Variants in PAFAH1B1 observed in about 807,000 individuals in gnomAD.
PAFAH1B1 encodes platelet-activating factor acetylhydrolase IB subunit beta.
PAFAH1B1 carries 2 observed loss-of-function variants against 57.5 expected under a neutral mutation model. The ratio of observed to expected loss-of-function variants is 0.03; its 90% CI spans 0.01 to 0.11. PAFAH1B1 has a LOEUF of 0.11. Ranked by LOEUF, PAFAH1B1 falls within the 10% of genes least tolerant of loss-of-function variation. The probability of loss-of-function intolerance (pLI) is 1.00; values close to 1 mark genes in which losing one functional copy is unlikely to be tolerated. For synonymous variants in PAFAH1B1, 152 were observed against 169.6 expected (o/e 0.90, Z 0.81); for missense variants, 257 against 512.0 (o/e 0.50, Z 4.81).
rs1374112708 is a variant in PAFAH1B1 at position 2,681,820 on chromosome 17, C to T, written c.*18C>T. On this transcript the variant is annotated 3_prime_UTR_variant, in exon 11 of 11. Transcript: ENST00000397195. ...GCCGTTGATTGTGTCTCCTTCGGCC[C>T]CTCCTCCCTCTTTTCCTCTGGATGC... 3 of 1,588,848 alleles carry T rather than the reference C, an allele frequency of 1.9e-6. No individual in the cohort carries two copies. Among genetic ancestry groups the T allele is most frequent in the African/African-American group, 1.3e-5 (1 of 74,506 alleles).
intron 2 of PAFAH1B1, among the ~76,000 whole-genome samples, chr17:2,650,795 G>C (rs1167715683): frequency 2.0e-5 from 3 of 151,986 alleles, no homozygotes; most frequent in African/African-American, 7.3e-5. Flanking sequence ...CTCTTCCTCT[G>C]TGAAGTGCCT....
intron 1 of PAFAH1B1, among the ~76,000 whole-genome samples, chr17:2,607,473 CCTTTT>C (rs1200817182): frequency 4.6e-5 from 7 of 151,762 alleles, no homozygotes; most frequent in Non-Finnish European, 2.9e-5. Context: ...CCACGCCTGG[CCTTTT>C]CTTTTCTTTT....
chr17:2,644,421 T>C (rs1354208923), intron 2 of PAFAH1B1, among the ~76,000 whole-genome samples: 2 of 152,086 alleles, frequency 1.3e-5, no homozygotes, highest in Non-Finnish European at 2.9e-5. Flanking sequence ...TGGGCGCCTC[T>C]AGTCTCAGCT....
intron 1 of PAFAH1B1, among the ~76,000 whole-genome samples, chr17:2,615,450 CTTTTT>C (rs777507238): frequency 2.0e-5 from 3 of 151,882 alleles, no homozygotes; most frequent in Non-Finnish European, 4.4e-5. Context: ...TTCTTTCTTT[CTTTTT>C]TTTGAGATGG....
intron 1 of PAFAH1B1, among the ~76,000 whole-genome samples, chr17:2,619,254 G>A (rs1205793146): frequency 6.6e-6 from 1 of 152,036 alleles, no homozygotes; most frequent in Admixed American, 6.6e-5. Context: ...CTGGGCTTAG[G>A]TGATCCTCCC....
intron 2 of PAFAH1B1, among the ~76,000 whole-genome samples, chr17:2,652,495 GTTTAC>G (rs2068876190): frequency 6.6e-6 from 1 of 152,170 alleles, no homozygotes; most frequent in Non-Finnish European, 1.5e-5. Context: ...TTTTGTTGTT[GTTTAC>G]TTTATTGCTT....
At position 2,669,265 on chromosome 17, in the gene PAFAH1B1, AT is replaced by A. The variant is rs563171022; in HGVS notation, c.400-882del. ...AATAGTGATTTAGCCAGCAATTAGA[AT>A]TTTTTTTTTTTTTTTGAGATGGAGT... is the stretch of plus-strand genomic sequence containing the variant. On this transcript the variant is annotated intron_variant, in intron 5 of 10. Transcript: ENST00000397195. Among the ~76,000 whole-genome samples the A allele has an allele frequency of 1.5e-3, 220 of 142,538 alleles. 1 individual carries two copies. The highest frequency in any genetic ancestry group is 3.6e-3 in the Middle Eastern group (1 of 276). The allele number at this position is 142,538 out of a possible 152,430, so 93.5% of individuals were successfully genotyped here.
At chr17:2,652,219 G>C (rs913546366) in intron 2 of PAFAH1B1, among the ~76,000 whole-genome samples, 1 of 151,958 alleles carries the variant, frequency 6.6e-6, no homozygotes, top group African/African-American at 2.4e-5. Context: ...GACCATCCTG[G>C]CTAACACGGT....
intron 1 of PAFAH1B1, among the ~76,000 whole-genome samples, chr17:2,636,232 C>G (rs941561028): frequency 6.6e-6 from 1 of 152,110 alleles, no homozygotes; most frequent in African/African-American, 2.4e-5. Context: ...CTTACTGATT[C>G]CAACCATATT....
intron 1 of PAFAH1B1, among the ~76,000 whole-genome samples, chr17:2,619,637 C>T (rs925230598): frequency 3.3e-5 from 5 of 151,680 alleles, no homozygotes; most frequent in African/African-American, 1.2e-4. Context: ...TATGGTACTT[C>T]TTAGTTTATA....
At chr17:2,661,792 C>T (rs2069017227) in intron 2 of PAFAH1B1, among the ~76,000 whole-genome samples, 1 of 152,102 alleles carries the variant, frequency 6.6e-6, no homozygotes, top group Non-Finnish European at 1.5e-5. Flanking sequence ...CTAGAGTATA[C>T]AGTTTGTAAA....
intron 1 of PAFAH1B1, among the ~76,000 whole-genome samples, chr17:2,594,545 C>G (rs527271839): frequency 1.3e-5 from 2 of 152,210 alleles, no homozygotes; most frequent in Non-Finnish European, 2.9e-5. Flanking sequence ...CCAGGCATTC[C>G]GTCCCCGACT....
At chr17:2,677,191 C>T (rs2069283678) in intron 9 of PAFAH1B1, among the ~76,000 whole-genome samples, 2 of 152,114 alleles carry the variant, frequency 1.3e-5, no homozygotes, top group African/African-American at 2.4e-5. Flanking sequence ...ATATCTCTTA[C>T]GGAGAAAAAG....
At chr17:2,678,501 G>A (rs1041931363) in intron 9 of PAFAH1B1, among the ~76,000 whole-genome samples, 1 of 151,932 alleles carries the variant, frequency 6.6e-6, no homozygotes, top group Non-Finnish European at 1.5e-5. Context: ...GGGAGACGGA[G>A]GTTGCAGTGA....
intron 1 of PAFAH1B1, among the ~76,000 whole-genome samples, chr17:2,598,529 A>G (rs1047227069): frequency 1.3e-5 from 2 of 152,044 alleles, no homozygotes; most frequent in African/African-American, 4.8e-5. Context: ...GAAAGAGGGA[A>G]ATAGTTAAGT....
chr17:2,670,526 CT>C (rs1031884722), intron 6 of PAFAH1B1, among the ~76,000 whole-genome samples, 195 bp downstream of exon 6: 1 of 151,954 alleles, frequency 6.6e-6, no homozygotes, highest in South Asian at 2.1e-4. Context: ...TTTTAAGTAT[CT>C]TTTAGTACTT....
At position 2,669,610 on chromosome 17, in the gene PAFAH1B1, C is replaced by T. The variant is rs561079394; in HGVS notation, c.400-553C>T. Among the ~76,000 whole-genome samples the T allele has an allele frequency of 3.3e-5, 5 of 152,264 alleles. No individual in the cohort carries two copies. In the South Asian group the frequency reaches 8.3e-4, roughly 25 times the overall value. On this transcript the variant is annotated intron_variant, in intron 5 of 10. Transcript: ENST00000397195. ...CATATGCTCTTGTTCATTTGCTATT[C>T]GTGAACAGTTAACATCTTCTGAAAT...
At chr17:2,679,470 ATGGATGATTGGATGGATGGATG>A (rs1286377387) in intron 9 of PAFAH1B1, among the ~76,000 whole-genome samples, 2 of 4,508 alleles carry the variant, frequency 4.4e-4, no homozygotes, top group Non-Finnish European at 8.6e-4. Flanking sequence ...GGATGGATGG[ATGGATGATTGGATGGATGGATG>A]GATGGATGAT....
In PAFAH1B1 at chr17:2,683,253, T is replaced by C. The variant is rs2069413371; in HGVS notation, c.*1451T>C. ...TTTTTAGCCATGACTTTTGGAGCAC[T>C]ATTCCATTGTCAGTTATTAATAAAG... On this transcript the variant is annotated 3_prime_UTR_variant, in exon 11 of 11. Transcript: ENST00000397195. The C allele has an allele frequency of 6.6e-6, 1 of 152,182 alleles. No individual in the cohort carries two copies. Among genetic ancestry groups the C allele is most frequent in the African/African-American group, 2.4e-5 (1 of 41,452 alleles). The allele number at this position is 152,182 out of a possible 1,614,324, so 9.4% of individuals were successfully genotyped here.
Sources: gnomAD v4.1 joint callset for allele counts (sites outside exome capture counted in the v4.1 genomes callset) on GRCh38, gnomAD v4.1.1 for gene constraint, MANE v1.5 for transcripts, NCBI Gene and HGNC (gene_info 2026-07-23, HGNC 2026-07-21) for gene names.